ANKS1B: variants seen among roughly 807,000 people sequenced by gnomAD.
ANKS1B encodes ankyrin repeat and sterile alpha motif domain-containing protein 1B.
ANKS1B carries 36 observed loss-of-function variants against 148.3 expected under a neutral mutation model. That is an observed-to-expected ratio of 0.24 (90% CI 0.19 to 0.32). The LOEUF is 0.32. Among genes scored for constraint, ANKS1B ranks in the 10% least tolerant of loss-of-function variants. The pLI is 1.00. For missense variants in ANKS1B, 1,157 were observed against 1,542.6 expected (o/e 0.75, Z 4.19); for synonymous variants, 542 against 560.8 (o/e 0.97, Z 0.47).
At chr12:99,231,602 C>T (rs1365706511) in intron 14 of ANKS1B, among the ~76,000 whole-genome samples, 1 of 151,968 alleles carries the variant, frequency 6.6e-6, no homozygotes, top group East Asian at 1.9e-4. Context: ...GAATGGAGTA[C>T]ATTTTAGCAT....
chr12:99,280,887 A>T (rs973255228), intron 12 of ANKS1B, among the ~76,000 whole-genome samples: 32 of 149,302 alleles, frequency 2.1e-4, no homozygotes, highest in East Asian at 3.9e-4. Flanking sequence ...TCTCTCTCTC[A>T]CACACACACA....
intron 22 of ANKS1B, among the ~76,000 whole-genome samples, chr12:98,782,559 T>C (rs555768103): frequency 1.3e-5 from 2 of 152,342 alleles, no homozygotes; most frequent in East Asian, 1.9e-4. Context: ...AGGCTTTTAA[T>C]TGGATAGTGT....
chr12:99,657,550 A>G (rs111896097), intron 8 of ANKS1B, among the ~76,000 whole-genome samples: 4 of 152,014 alleles, frequency 2.6e-5, no homozygotes, highest in African/African-American at 9.7e-5. Context: ...TCTCAAATCA[A>G]TAATAGAAGG....
intron 17 of ANKS1B, chr12:98,895,173 G>A: frequency 1.0e-6 from 1 of 984,894 alleles, no homozygotes; most frequent in Non-Finnish European, 1.2e-6. Flanking sequence ...TGCGGGCCCA[G>A]GCGCGGCGCG....
chr12:99,240,799 TG>T (rs2089153232), intron 14 of ANKS1B, among the ~76,000 whole-genome samples: 1 of 152,298 alleles, frequency 6.6e-6, no homozygotes, highest in Non-Finnish European at 1.5e-5. Context: ...GAGTGACTAC[TG>T]GGTAAATAAC....
chr12:99,036,175 T>C (rs73386556), intron 17 of ANKS1B, among the ~76,000 whole-genome samples: 5,888 of 152,292 alleles, frequency 0.039, 395 homozygotes, highest in African/African-American at 0.13. Context: ...GTGGTGTCAA[T>C]GCCTGACAAC....
At chr12:99,504,987 T>C (rs868658971) in intron 9 of ANKS1B, among the ~76,000 whole-genome samples, 20 of 152,066 alleles carry the variant, frequency 1.3e-4, no homozygotes, top group African/African-American at 4.1e-4. Flanking sequence ...GACACCCATA[T>C]AACTCGGAGA....
chr12:99,136,326 GA>G (rs1460644118), intron 15 of ANKS1B, among the ~76,000 whole-genome samples: 1 of 152,060 alleles, frequency 6.6e-6, no homozygotes, highest in Non-Finnish European at 1.5e-5. Context: ...CTTCAGCAGG[GA>G]CCACCATACA....
At chr12:99,237,426 C>T (rs1186346075) in intron 14 of ANKS1B, among the ~76,000 whole-genome samples, 1 of 152,076 alleles carries the variant, frequency 6.6e-6, no homozygotes, top group African/African-American at 2.4e-5. Context: ...CTACAAAACT[C>T]AAACAAGAAA....
chr12:99,049,614 C>T (rs1425140543), intron 17 of ANKS1B, among the ~76,000 whole-genome samples: 3 of 151,994 alleles, frequency 2.0e-5, no homozygotes, highest in Admixed American at 6.6e-5. Flanking sequence ...AAATCAACAA[C>T]ATTGAAAGAA....
At chr12:99,298,262 A>G (rs2081161556) in intron 12 of ANKS1B, among the ~76,000 whole-genome samples, 1 of 152,208 alleles carries the variant, frequency 6.6e-6, no homozygotes, top group African/African-American at 2.4e-5. Context: ...CTCACGTTGA[A>G]TTGTAATAAT....
Position 99,774,343 on chromosome 12 carries a change from CA to C in ANKS1B, c.961+1204del, listed in dbSNP as rs145737944. ...CTAAGGACTCGAATAGACATTTCTT[CA>C]AAAAAGGCACATAAATGACCCAAGG... On this transcript the variant is annotated intron_variant, in intron 7 of 26. Transcript: ENST00000683438. 4.6e-5 allele frequency among the ~76,000 whole-genome samples: 7 copies of C among 151,942 alleles called. No homozygotes were observed. The East Asian group carries it at 7.7e-4, about 17-fold the overall frequency.
At chr12:98,871,865 CA>C in intron 17 of ANKS1B, among the ~76,000 whole-genome samples, 1 of 152,186 alleles carries the variant, frequency 6.6e-6, no homozygotes, top group East Asian at 1.9e-4. Context: ...GCTTTCAATG[CA>C]GTACTGAAAA....
intron 17 of ANKS1B, among the ~76,000 whole-genome samples, chr12:98,915,071 ACCACCCCCAGTAAGTC>A: frequency 7.3e-6 from 1 of 137,490 alleles, no homozygotes; most frequent in African/African-American, 2.8e-5. Flanking sequence ...TGTTCCCCCC[ACCACCCCCAGTAAGTC>A]CCAGTGACCT....
At chr12:99,406,778 G>C (rs563277720) in intron 11 of ANKS1B, among the ~76,000 whole-genome samples, 2 of 145,590 alleles carry the variant, frequency 1.4e-5, no homozygotes, top group South Asian at 4.2e-4. Context: ...GCCAGATTAA[G>C]AAAAGAGAGA....
chr12:99,768,814 A>C (rs1312081622), intron 8 of ANKS1B, among the ~76,000 whole-genome samples: 1 of 122,414 alleles, frequency 8.2e-6, no homozygotes, highest in African/African-American at 3.2e-5. Flanking sequence ...ACAGAGCACG[A>C]CTCCGTCTCA....
chr12:99,335,249 T>C (rs1391114277), intron 12 of ANKS1B, among the ~76,000 whole-genome samples: 1 of 152,026 alleles, frequency 6.6e-6, no homozygotes, highest in East Asian at 1.9e-4. Context: ...TATATATTTA[T>C]GGGGTACATA....
intron 16 of ANKS1B, 61 bp downstream of exon 16, chr12:99,084,864 G>A: frequency 7.6e-7 from 1 of 1,322,484 alleles, no homozygotes; most frequent in Non-Finnish European, 1.1e-6. Context: ...CTCCTTGCAT[G>A]CCTGGACTCA....
intron 1 of ANKS1B, among the ~76,000 whole-genome samples, chr12:99,874,928 C>T (rs1221267889): frequency 6.6e-6 from 1 of 152,144 alleles, no homozygotes; most frequent in African/African-American, 2.4e-5. Flanking sequence ...TACTTTGAAG[C>T]ACGTATTATA....
Sources: allele counts gnomAD v4.1 joint callset (sites outside exome capture counted in the v4.1 genomes callset), GRCh38; gene constraint gnomAD v4.1.1; transcripts MANE v1.5; gene names NCBI Gene and HGNC (gene_info 2026-07-23, HGNC 2026-07-21).